Variants in UNC5D observed in about 807,000 individuals in gnomAD.
UNC5D encodes netrin receptor UNC5D.
In UNC5D, 39 loss-of-function variants were observed where a neutral mutation model predicts 105.4. The observed-to-expected ratio is 0.37, with a 90% confidence interval of 0.29 to 0.48. The LOEUF (loss-of-function observed/expected upper bound fraction) is 0.48, where lower values mean the gene tolerates loss of function less well. Among genes scored for constraint, UNC5D ranks in the 20% least tolerant of loss-of-function variants. The probability of loss-of-function intolerance (pLI) is 0.98; values close to 1 mark genes in which losing one functional copy is unlikely to be tolerated. For missense variants in UNC5D, 991 were observed against 1,202.4 expected (o/e 0.82, Z 2.60); for synonymous variants, 452 against 450.4 (o/e 1.00, Z -0.04).
At chr8:35,640,228 G>A (rs1822630478) in intron 4 of UNC5D, among the ~76,000 whole-genome samples, 1 of 151,942 alleles carries the variant, frequency 6.6e-6, no homozygotes. Flanking sequence ...ACCCAAGCTA[G>A]GCCAAATATT....
chr8:35,565,738 ATTG>A, intron 2 of UNC5D, among the ~76,000 whole-genome samples: 1 of 152,158 alleles, frequency 6.6e-6, no homozygotes, highest in Non-Finnish European at 1.5e-5. Context: ...ATTTGAGTTA[ATTG>A]TTGTATATGG....
intron 1 of UNC5D, among the ~76,000 whole-genome samples, chr8:35,345,738 A>C (rs954417932): frequency 6.6e-6 from 1 of 151,966 alleles, no homozygotes; most frequent in African/African-American, 2.4e-5. Flanking sequence ...ACTTTTTTTT[A>C]ACCTCAAACA....
At chr8:35,446,585 A>G (rs1390062675) in intron 1 of UNC5D, among the ~76,000 whole-genome samples, 1 of 152,090 alleles carries the variant, frequency 6.6e-6, no homozygotes, top group East Asian at 1.9e-4. Context: ...GGTTTAGTAA[A>G]TATTTGTTAA....
intron 1 of UNC5D, among the ~76,000 whole-genome samples, chr8:35,461,915 C>A (rs1808921958): frequency 6.6e-6 from 1 of 152,148 alleles, no homozygotes; most frequent in South Asian, 2.1e-4. Flanking sequence ...GCAGTTCAGG[C>A]ACAACCTTCA....
intron 1 of UNC5D, among the ~76,000 whole-genome samples, chr8:35,401,472 G>T (rs1275550897): frequency 1.3e-5 from 2 of 152,066 alleles, no homozygotes; most frequent in Non-Finnish European, 2.9e-5. Flanking sequence ...CAACAGAGCA[G>T]GACTCCATCT....
At chr8:35,497,762 G>T (rs1811697638) in intron 1 of UNC5D, among the ~76,000 whole-genome samples, 2 of 151,912 alleles carry the variant, frequency 1.3e-5, no homozygotes, top group Admixed American at 1.3e-4. Flanking sequence ...CGAGAAAAGG[G>T]TGTCCATTGA....
intron 1 of UNC5D, among the ~76,000 whole-genome samples, chr8:35,365,497 C>G (rs956682194): frequency 2.1e-5 from 3 of 146,128 alleles, no homozygotes; most frequent in African/African-American, 7.5e-5. Context: ...GCCCCTACAA[C>G]ATGTACTGCC....
chr8:35,789,152 T>C (rs1335234697), intron 16 of UNC5D, among the ~76,000 whole-genome samples: 8 of 61,108 alleles, frequency 1.3e-4, no homozygotes, highest in African/African-American at 5.8e-4. Context: ...TATATATATA[T>C]ATATATATAT....
chr8:35,574,739 A>G (rs6988967), intron 3 of UNC5D, among the ~76,000 whole-genome samples: 10,315 of 152,202 alleles, frequency 0.068, 1,135 homozygotes, highest in African/African-American at 0.23. Flanking sequence ...TTACAGATGC[A>G]GCCTTCCTGT....
intron 7 of UNC5D, among the ~76,000 whole-genome samples, chr8:35,693,307 G>A (rs1368911625): frequency 6.6e-6 from 1 of 152,102 alleles, no homozygotes; most frequent in Non-Finnish European, 1.5e-5. Flanking sequence ...AGAATAAAAT[G>A]CACGCAACAA....
intron 1 of UNC5D, among the ~76,000 whole-genome samples, chr8:35,245,886 A>G (rs1026361593): frequency 6.6e-6 from 1 of 152,132 alleles, no homozygotes; most frequent in African/African-American, 2.4e-5. Flanking sequence ...CATTAATTTA[A>G]ATGGCATTAG....
At chr8:35,698,643 C>A (rs2131408741) in intron 7 of UNC5D, among the ~76,000 whole-genome samples, 1 of 152,166 alleles carries the variant, frequency 6.6e-6, no homozygotes, top group East Asian at 1.9e-4. Flanking sequence ...ACTACATTTT[C>A]TTTATCCATT....
intron 1 of UNC5D, among the ~76,000 whole-genome samples, chr8:35,419,076 G>A (rs1294252576): frequency 6.6e-6 from 1 of 152,130 alleles, no homozygotes; most frequent in Non-Finnish European, 1.5e-5. Flanking sequence ...AGCTCTATGT[G>A]GTTCCCAAAA....
chr8:35,301,278 G>A (rs544352674), intron 1 of UNC5D, among the ~76,000 whole-genome samples: 43 of 152,290 alleles, frequency 2.8e-4, no homozygotes, highest in African/African-American at 9.9e-4. Flanking sequence ...AGGTGGCACA[G>A]CTTGAGCAAA....
At chr8:35,370,832 C>G (rs1160725259) in intron 1 of UNC5D, among the ~76,000 whole-genome samples, 1 of 152,148 alleles carries the variant, frequency 6.6e-6, no homozygotes, top group African/African-American at 2.4e-5. Context: ...ACAATGTAGT[C>G]AACCACATCT....
At chr8:35,514,437 G>A (rs556263231) in intron 1 of UNC5D, among the ~76,000 whole-genome samples, 1 of 152,348 alleles carries the variant, frequency 6.6e-6, no homozygotes, top group East Asian at 1.9e-4. Flanking sequence ...GATGGAAGTT[G>A]CTGCAACCAA....
intron 1 of UNC5D, among the ~76,000 whole-genome samples, chr8:35,416,118 T>C (rs1037483560): frequency 6.6e-6 from 1 of 152,096 alleles, no homozygotes; most frequent in African/African-American, 2.4e-5. Context: ...TTATTATGCA[T>C]TGTATGCCTG....
chr8:35,470,835 T>C (rs986906202), intron 1 of UNC5D, among the ~76,000 whole-genome samples: 2 of 151,548 alleles, frequency 1.3e-5, no homozygotes, highest in Non-Finnish European at 1.5e-5. Context: ...TGAGCAGAGT[T>C]GGTATGGCAC....
At chr8:35,243,375 C>T (rs28398307) in intron 1 of UNC5D, among the ~76,000 whole-genome samples, 7,389 of 152,190 alleles carry the variant, frequency 0.049, 210 homozygotes, top group African/African-American at 0.075. Context: ...GATGCTGCTC[C>T]AGTTTCACAA....
Sources: gnomAD v4.1 joint callset for allele counts (sites outside exome capture counted in the v4.1 genomes callset) on GRCh38, gnomAD v4.1.1 for gene constraint, MANE v1.5 for transcripts, NCBI Gene and HGNC (gene_info 2026-07-23, HGNC 2026-07-21) for gene names.